Variants in CPS1 observed in about 807,000 individuals in gnomAD.
The protein encoded by CPS1 is carbamoyl-phosphate synthase [ammonia], mitochondrial.
Under a neutral mutation model 174.6 loss-of-function variants are expected in CPS1, and 109 were observed. The observed-to-expected ratio is 0.62, with a 90% CI of 0.53 to 0.73. CPS1 has a LOEUF of 0.73. Among genes scored for constraint, CPS1 ranks in the 30% least tolerant of loss-of-function variants. The pLI, the probability that CPS1 is intolerant of heterozygous loss-of-function variation, is 0.00. For missense variants in CPS1, 1,689 were observed against 1,821.9 expected, an observed-to-expected ratio of 0.93 and a Z score of 1.33; for synonymous variants, 637 against 632.0, an observed-to-expected ratio of 1.01 and a Z score of -0.12.
intron 24 of CPS1, among the ~76,000 whole-genome samples, chr2:210,640,868 A>G (rs186883740): frequency 7.9e-5 from 12 of 152,298 alleles, no homozygotes; most frequent in African/African-American, 2.6e-4. Flanking sequence ...TTACCACCTT[A>G]GTCATTGTCT....
chr2:210,527,834 G>T (rs1343923322), intron 1 of CPS1, among the ~76,000 whole-genome samples: 1 of 151,714 alleles, frequency 6.6e-6, no homozygotes, highest in African/African-American at 2.4e-5. Context: ...ATTTTTTGTG[G>T]GGGAGAGGCA....
chr2:210,478,156 G>A (rs1264354904), intron 1 of CPS1, among the ~76,000 whole-genome samples: 2 of 152,186 alleles, frequency 1.3e-5, no homozygotes, highest in African/African-American at 4.8e-5. Flanking sequence ...TTTCCCCAAT[G>A]TTGTTAGATT....
At position 210,585,584 on chromosome 2, in the gene CPS1, G is replaced by A. The variant is rs185479036; in HGVS notation, c.622-2474G>A. Among the ~76,000 whole-genome samples, 204 of 151,936 alleles carry A rather than the reference G, an allele frequency of 1.3e-3. 4 individuals carry two copies. Among genetic ancestry groups the A allele is most frequent in the Non-Finnish European group, 1.6e-4 (11 of 67,904 alleles). On this transcript the variant is annotated intron_variant, in intron 6 of 37. Transcript: ENST00000233072. ...CCTTCTTCAGTGTGAATGGCCATAG[G>A]ATTATACATAGGAAGGCTTGGTCTA...
At chr2:210,604,640 C>T (rs1013217886) in intron 16 of CPS1, among the ~76,000 whole-genome samples, 1 of 151,910 alleles carries the variant, frequency 6.6e-6, no homozygotes, top group African/African-American at 2.4e-5. Context: ...CTCCTTTCTC[C>T]TCCTCATCAA....
At chr2:210,597,838 A>G (rs151044467) in intron 13 of CPS1, among the ~76,000 whole-genome samples, 2 of 151,750 alleles carry the variant, frequency 1.3e-5, no homozygotes, top group African/African-American at 4.8e-5. Context: ...ATATACACAC[A>G]CACACAAACA....
intron 1 of CPS1, among the ~76,000 whole-genome samples, chr2:210,488,282 T>G (rs757164942): frequency 1.5e-4 from 23 of 152,182 alleles, no homozygotes; most frequent in Non-Finnish European, 2.5e-4. Context: ...TTCCCTTTTG[T>G]GGTGGTGGAA....
chr2:210,659,292 T>C (rs1359859695), intron 31 of CPS1, among the ~76,000 whole-genome samples: 1 of 151,988 alleles, frequency 6.6e-6, no homozygotes, highest in African/African-American at 2.4e-5. Flanking sequence ...CCATTCATGG[T>C]GGAGAGTGGC....
At chr2:210,590,270 G>A in intron 8 of CPS1, 36 bp downstream of exon 8, 1 of 1,612,016 alleles carries the variant, frequency 6.2e-7, no homozygotes, top group Non-Finnish European at 8.5e-7. Flanking sequence ...TATCTGTGTG[G>A]GAGGTGGGGG....
At chr2:210,602,588 C>A (rs1408490028) in intron 16 of CPS1, among the ~76,000 whole-genome samples, 2 of 151,908 alleles carry the variant, frequency 1.3e-5, no homozygotes, top group Non-Finnish European at 2.9e-5. Flanking sequence ...TTTTATAGTA[C>A]AATCTATTGA....
chr2:210,534,300 C>T (rs1696191115), intron 1 of CPS1, among the ~76,000 whole-genome samples: 1 of 152,142 alleles, frequency 6.6e-6, no homozygotes, highest in African/African-American at 2.4e-5. Context: ...TTCACTTGTG[C>T]TGGGAAAGGG....
intron 22 of CPS1, among the ~76,000 whole-genome samples, chr2:210,638,340 A>G (rs750527107): frequency 6.6e-6 from 1 of 152,132 alleles, no homozygotes; most frequent in African/African-American, 2.4e-5. Flanking sequence ...TAATGAGCTC[A>G]TCTAGTATTC....
At chr2:210,651,804 C>G (rs1700567746) in intron 28 of CPS1, among the ~76,000 whole-genome samples, 1 of 152,156 alleles carries the variant, frequency 6.6e-6, no homozygotes, top group African/African-American at 2.4e-5. Context: ...CAGCCCCAAT[C>G]AATCAGTAAT....
At chr2:210,606,597 A>G (rs1271355254) in intron 17 of CPS1, 134 bp from the exon 18 acceptor site, 1 of 818,164 alleles carries the variant, frequency 1.2e-6, no homozygotes, top group African/African-American at 1.7e-5. Context: ...TTGGGGGAAT[A>G]CCTGATATCA....
intron 3 of CPS1, among the ~76,000 whole-genome samples, chr2:210,576,724 C>T (rs920332636): frequency 3.3e-5 from 5 of 151,946 alleles, no homozygotes; most frequent in Non-Finnish European, 1.5e-5. Context: ...CTTGGCTTAA[C>T]TTGAAAAAAA....
At chr2:210,516,685 C>T (rs1396714302) in intron 1 of CPS1, among the ~76,000 whole-genome samples, 1 of 151,924 alleles carries the variant, frequency 6.6e-6, no homozygotes, top group African/African-American at 2.4e-5. Context: ...CATACCCCCA[C>T]CTCATCTTTT....
chr2:210,575,356 A>C (rs1697658517), intron 2 of CPS1, among the ~76,000 whole-genome samples: 2 of 152,072 alleles, frequency 1.3e-5, no homozygotes, highest in African/African-American at 2.4e-5. Flanking sequence ...ATTTTGCAGA[A>C]AGTGGACATG....
At chr2:210,640,666 G>T (rs1700194184) in intron 24 of CPS1, among the ~76,000 whole-genome samples, 1 of 152,026 alleles carries the variant, frequency 6.6e-6, no homozygotes, top group Admixed American at 6.5e-5. Context: ...TCAACATATG[G>T]ATTTAATATT....
intron 21 of CPS1, among the ~76,000 whole-genome samples, chr2:210,627,605 A>T (rs1038785145): frequency 1.3e-5 from 2 of 152,178 alleles, no homozygotes; most frequent in African/African-American, 4.8e-5. Flanking sequence ...GTATCCAAAG[A>T]CTATAAGGCA....
At chr2:210,495,436 T>C (rs1694967548) in intron 1 of CPS1, among the ~76,000 whole-genome samples, 1 of 152,200 alleles carries the variant, frequency 6.6e-6, no homozygotes, top group Non-Finnish European at 1.5e-5. Context: ...CATATTTTAA[T>C]GTATAATTAC....
Sources: gnomAD v4.1 joint callset for allele counts (sites outside exome capture counted in the v4.1 genomes callset) on GRCh38, gnomAD v4.1.1 for gene constraint, MANE v1.5 for transcripts, NCBI Gene and HGNC (gene_info 2026-07-23, HGNC 2026-07-21) for gene names.